Variants in NUP107 observed in about 807,000 individuals in gnomAD.
NUP107 encodes the protein nucleoporin 107.
In NUP107, 101 loss-of-function variants were observed where a neutral mutation model predicts 141.0. The ratio of observed to expected loss-of-function variants is 0.72; its 90% CI spans 0.61 to 0.84. NUP107 has a LOEUF of 0.84. Ranked by LOEUF, NUP107 falls within the 40% of genes least tolerant of loss-of-function variation. NUP107 has a pLI of 0.00. For missense variants in NUP107, 941 were observed against 1,102.7 expected, an observed-to-expected ratio of 0.85 and a Z score of 2.08; for synonymous variants, 319 against 363.9, an observed-to-expected ratio of 0.88 and a Z score of 1.41.
intron 17 of NUP107, among the ~76,000 whole-genome samples, chr12:68,725,004 G>T (rs1877501006): frequency 6.6e-6 from 1 of 152,150 alleles, no homozygotes; most frequent in Non-Finnish European, 1.5e-5. Context: ...GAGGGAAAGG[G>T]ATGGTTTATT....
At chr12:68,695,120 CA>C (rs1242069755) in intron 5 of NUP107, among the ~76,000 whole-genome samples, 1 of 152,132 alleles carries the variant, frequency 6.6e-6, no homozygotes, top group Non-Finnish European at 1.5e-5. Context: ...CAGAAAATAA[CA>C]AGTATTGACA....
intron 24 of NUP107, 121 bp from the exon 25 acceptor site, chr12:68,734,587 A>G (rs1877984798): frequency 1.4e-6 from 1 of 716,976 alleles, no homozygotes; most frequent in African/African-American, 1.8e-5. Flanking sequence ...TATATTGAAC[A>G]GTTTTATTTC....
At chr12:68,709,004 G>A (rs1876721744) in intron 8 of NUP107, among the ~76,000 whole-genome samples, 1 of 152,142 alleles carries the variant, frequency 6.6e-6, no homozygotes, top group Non-Finnish European at 1.5e-5. Flanking sequence ...AATTTCAAGT[G>A]TAAAGAATCA....
At position 68,745,416 on chromosome 12, in the gene NUP107, G is replaced by A. The variant is rs1328869988; in HGVS notation, c.*2954G>A. On this transcript the variant is annotated 3_prime_UTR_variant, in exon 28 of 28. Transcript: ENST00000229179. The stretch of plus-strand genomic sequence containing the variant: ...CTACAATATATAATCTTTCTTTATC[G>A]ACTTAAGGAGGAAGGAGAAAGGAAG... The A allele has an allele frequency of 5.3e-5, 8 of 151,818 alleles. No individual in the cohort carries two copies. The highest frequency in any genetic ancestry group is 4.6e-4 in the Admixed American group (7 of 15,250). The allele number at this position is 151,818 out of a possible 1,614,324, so 9.4% of individuals were successfully genotyped here.
rs764485425 is a variant in NUP107, at chr12:68,710,107, C to T, written c.890+14C>T. ...ATCAGTATATTGGTAAGTTACCAAA[C>T]TTTAATTCTTAAGGTCACTCAATGT... On this transcript the variant is annotated intron_variant, in intron 10 of 27. Transcript: ENST00000229179. 8.7e-6 allele frequency: 11 copies of T among 1,269,696 alleles called. No homozygotes were observed. Among genetic ancestry groups the T allele is most frequent in the Admixed American group, 5.2e-5 (3 of 57,404 alleles). 78.7% of individuals were successfully genotyped at this position (1,269,696 alleles called of 1,614,324 possible).
At chr12:68,725,696 AT>A (rs1433901663) in intron 17 of NUP107, 30 bp from the exon 18 acceptor site, 2 of 1,123,046 alleles carry the variant, frequency 1.8e-6, no homozygotes, top group Non-Finnish European at 2.6e-6. Context: ...CTGCTAGAAG[AT>A]TTATGGAAAA....
intron 6 of NUP107, among the ~76,000 whole-genome samples, chr12:68,700,174 G>A (rs1876261188): frequency 6.6e-6 from 1 of 152,138 alleles, no homozygotes; most frequent in Admixed American, 6.6e-5. Flanking sequence ...AAAGTGCTGG[G>A]ATTACAAGCG....
At position 68,690,662 on chromosome 12, in the gene NUP107, GC is replaced by G; in HGVS notation, c.221del (p.Pro74GlnfsTer57). On this transcript the variant is annotated frameshift_variant, in exon 4 of 28. Transcript: ENST00000229179. LOFTEE classifies it high-confidence loss of function. Reference protein sequence around the residue: ...TPTSRSLLRQPDISCILGTGG... With the variant: ...TPTSRSLLRQXDISCILGTGG... ...CAACAAGCCGAAGCTTACTAAGGCAGCCAGATATTTCCTGCATTCTTGGAAC... is the reference window on the plus strand; with the variant it reads ...CAACAAGCCGAAGCTTACTAAGGCAGCAGATATTTCCTGCATTCTTGGAAC... The G allele has an allele frequency of 6.2e-7, 1 of 1,614,176 alleles. No individual in the cohort carries two copies. Among genetic ancestry groups the G allele is most frequent in the East Asian group, 2.2e-5 (1 of 44,884 alleles).
intron 23 of NUP107, 163 bp downstream of exon 23, chr12:68,732,902 C>T (rs989066197): frequency 2.5e-5 from 11 of 432,642 alleles, no homozygotes; most frequent in African/African-American, 1.2e-4. Context: ...AGGCGGGTCT[C>T]GAACTCCTGG....
At chr12:68,713,141 G>A (rs898945815) in intron 10 of NUP107, among the ~76,000 whole-genome samples, 17 of 151,692 alleles carry the variant, frequency 1.1e-4, no homozygotes, top group African/African-American at 2.9e-4. Flanking sequence ...GGGAGGCTGA[G>A]GCAGAAGGAT....
chr12:68,694,586 AT>A (rs1875960176), intron 5 of NUP107, among the ~76,000 whole-genome samples: 1 of 152,312 alleles, frequency 6.6e-6, no homozygotes, highest in African/African-American at 2.4e-5. Flanking sequence ...AAACAACCCA[AT>A]TTAAAAATGA....
intron 10 of NUP107, among the ~76,000 whole-genome samples, chr12:68,713,187 A>G (rs1207315289): frequency 6.6e-6 from 1 of 151,588 alleles, no homozygotes; most frequent in Non-Finnish European, 1.5e-5. Flanking sequence ...AGCCAGGGGA[A>G]CACAGTGAGA....
At chr12:68,697,418 G>T (rs952353942) in intron 6 of NUP107, among the ~76,000 whole-genome samples, 4 of 133,322 alleles carry the variant, frequency 3.0e-5, no homozygotes, top group South Asian at 2.5e-4. Flanking sequence ...AGTAGACCCT[G>T]TCTGAAGGAA....
intron 1 of NUP107, chr12:68,687,619 C>T (rs1875562036): frequency 4.1e-6 from 4 of 985,854 alleles, no homozygotes; most frequent in Non-Finnish European, 4.8e-6. Context: ...ATTAAGTCTC[C>T]TTGTCACTGT....
At chr12:68,687,415 A>G in intron 1 of NUP107, 2 of 1,083,028 alleles carry the variant, frequency 1.8e-6, no homozygotes, top group Non-Finnish European at 1.1e-6. Flanking sequence ...AAAGCCAGTC[A>G]GTGAAGATAC....
At chr12:68,736,604 A>G (rs1878076577) in intron 26 of NUP107, among the ~76,000 whole-genome samples, 1 of 151,686 alleles carries the variant, frequency 6.6e-6, no homozygotes, top group Admixed American at 6.6e-5. Flanking sequence ...TGTTTTTGAC[A>G]CAGGATCTTG....
chr12:68,736,690 T>G (rs1393483092), intron 26 of NUP107, among the ~76,000 whole-genome samples: 1 of 151,062 alleles, frequency 6.6e-6, no homozygotes, highest in East Asian at 1.9e-4. Context: ...GTGCTGCGAT[T>G]ACAGGCATGA....
At chr12:68,741,757 T>G in intron 26 of NUP107, 56 bp from the exon 27 acceptor site, 2 of 1,527,982 alleles carry the variant, frequency 1.3e-6, no homozygotes, top group Non-Finnish European at 1.8e-6. Context: ...GGCTTTTCTT[T>G]TTGTAAGGAT....
Position 68,745,692 on chromosome 12 carries a change from A to G in NUP107, c.*3230A>G, listed in dbSNP as rs1050087378. On this transcript the variant is annotated 3_prime_UTR_variant, in exon 28 of 28. Coordinates refer to ENST00000229179, the MANE Select transcript of NUP107 (RefSeq NM_020401.4). ...GAACACATTTTCTCACTGTTGAGCT[A>G]ATAATGCTTTGTGAATGTATGATCT... 1.3e-5 allele frequency: 2 copies of G among 152,234 alleles called. No individual in the cohort carries two copies. The allele number at this position is 152,234 out of a possible 1,614,324, so 9.4% of individuals were successfully genotyped here.
Sources: gnomAD v4.1 joint callset for allele counts (sites outside exome capture counted in the v4.1 genomes callset) on GRCh38, gnomAD v4.1.1 for gene constraint, MANE v1.5 for transcripts, NCBI Gene and HGNC (gene_info 2026-07-23, HGNC 2026-07-21) for gene names.